The following BNC2 variants were observed in gnomAD, a reference collection of about 807,000 sequenced individuals.
BNC2 encodes the protein zinc finger protein basonuclin-2.
Under a neutral mutation model 76.3 loss-of-function variants are expected in BNC2, and 20 were observed. The ratio of observed to expected loss-of-function variants is 0.26; its 90% CI spans 0.18 to 0.38. BNC2 has a LOEUF of 0.38. Ranked by LOEUF, BNC2 falls within the 10% of genes least tolerant of loss-of-function variation. The pLI, the probability that BNC2 is intolerant of heterozygous loss-of-function variation, is 1.00. For synonymous variants in BNC2, 582 were observed against 514.8 expected (o/e 1.13, Z -1.77); for missense variants, 1,382 against 1,399.8 (o/e 0.99, Z 0.20).
rs1014891444 is a variant in BNC2 at position 16,686,568 on chromosome 9, C to G, written c.330+41229G>C. On this transcript the variant is annotated intron_variant, in intron 3 of 6. Transcript: ENST00000380672. ...CTAAGCATCATCTCACCTTTGTCTT[C>G]TTTCCCTATCAAAGCACTCCTCTGT... Among the ~76,000 whole-genome samples the G allele has an allele frequency of 2.6e-5, 4 of 152,186 alleles. No homozygotes were observed. The East Asian group carries it at 7.7e-4, about 29-fold the overall frequency.
At position 16,410,011 on chromosome 9, in the gene BNC2, C is replaced by G. The variant is rs971420309; in HGVS notation, c.*8978G>C. The G allele has an allele frequency of 7.9e-5, 12 of 152,200 alleles. No individual in the cohort carries two copies. Among genetic ancestry groups the G allele is most frequent in the Non-Finnish European group, 1.5e-4 (10 of 68,042 alleles). The allele number at this position is 152,200 out of a possible 1,614,324, so 9.4% of individuals were successfully genotyped here. Reference sequence around the variant, plus strand: ...TCCTTTTCTTCAAGATATTTCAACTCCCTCTGGCCACTTTTGCTGTCAAAT... The same window carrying G: ...TCCTTTTCTTCAAGATATTTCAACTGCCTCTGGCCACTTTTGCTGTCAAAT... On this transcript the variant is annotated 3_prime_UTR_variant, in exon 7 of 7. Coordinates refer to ENST00000380672, the MANE Select transcript of BNC2 (RefSeq NM_017637.6).
chr9:16,837,760 A>G (rs1386515031), intron 1 of BNC2, among the ~76,000 whole-genome samples: 1 of 152,170 alleles, frequency 6.6e-6, no homozygotes, highest in Non-Finnish European at 1.5e-5. Flanking sequence ...CTAACTTCAG[A>G]GCTATCAAAT....
At chr9:16,681,693 C>G (rs1822826263) in intron 3 of BNC2, among the ~76,000 whole-genome samples, 1 of 152,200 alleles carries the variant, frequency 6.6e-6, no homozygotes. Context: ...ATATACTCTA[C>G]TCCATGGTCA....
chr9:16,565,716 G>T (rs1475416513), intron 4 of BNC2, among the ~76,000 whole-genome samples: 3 of 151,850 alleles, frequency 2.0e-5, no homozygotes, highest in Non-Finnish European at 4.4e-5. Flanking sequence ...GCTGAGATGG[G>T]AGGATCACTT....
intron 3 of BNC2, among the ~76,000 whole-genome samples, chr9:16,682,045 G>C (rs868358720): frequency 3.9e-5 from 6 of 151,972 alleles, no homozygotes; most frequent in South Asian, 2.1e-4. Context: ...AAAAAAGAGA[G>C]AGTGAACTTT....
chr9:16,485,148 C>A (rs1306773525), intron 5 of BNC2, among the ~76,000 whole-genome samples: 2 of 151,528 alleles, frequency 1.3e-5, no homozygotes, highest in Non-Finnish European at 2.9e-5. Flanking sequence ...TATTTTTTTT[C>A]TCTGAACCTG....
At chr9:16,453,048 T>C (rs16934702) in intron 5 of BNC2, among the ~76,000 whole-genome samples, 16,606 of 152,182 alleles carry the variant, frequency 0.11, 1,137 homozygotes, top group African/African-American at 0.2. Context: ...AGTCTGTGCC[T>C]TGGTCTCCTC....
At chr9:16,827,848 T>A (rs1254206952) in intron 1 of BNC2, among the ~76,000 whole-genome samples, 1 of 152,206 alleles carries the variant, frequency 6.6e-6, no homozygotes, top group Non-Finnish European at 1.5e-5. Flanking sequence ...AATCTCAGAC[T>A]CATGATTAAT....
intron 5 of BNC2, among the ~76,000 whole-genome samples, chr9:16,455,754 T>C (rs962455508): frequency 2.7e-5 from 4 of 150,178 alleles, no homozygotes; most frequent in Non-Finnish European, 5.9e-5. Context: ...ATTGCACCAT[T>C]GCACTCCAGC....
chr9:16,865,771 T>C (rs755951190), intron 1 of BNC2, among the ~76,000 whole-genome samples: 1 of 152,180 alleles, frequency 6.6e-6, no homozygotes, highest in Non-Finnish European at 1.5e-5. Context: ...ATGATATATC[T>C]GTAATATCAT....
intron 1 of BNC2, among the ~76,000 whole-genome samples, chr9:16,839,119 G>A (rs919578911): frequency 2.6e-5 from 4 of 152,174 alleles, no homozygotes; most frequent in African/African-American, 4.8e-5. Context: ...GGATTAAACT[G>A]TTAACAATTC....
chr9:16,663,677 C>T (rs1302771293), intron 3 of BNC2, among the ~76,000 whole-genome samples: 1 of 152,098 alleles, frequency 6.6e-6, no homozygotes, highest in Non-Finnish European at 1.5e-5. Flanking sequence ...TCAAAAATCT[C>T]AGAAAGAGTA....
At chr9:16,468,587 G>C (rs1465766748) in intron 5 of BNC2, among the ~76,000 whole-genome samples, 1 of 151,856 alleles carries the variant, frequency 6.6e-6, no homozygotes, top group Non-Finnish European at 1.5e-5. Context: ...GTAGAGACGA[G>C]GTTTCACCAC....
At chr9:16,598,496 TAA>T (rs1372131837) in intron 3 of BNC2, among the ~76,000 whole-genome samples, 1 of 152,136 alleles carries the variant, frequency 6.6e-6, no homozygotes, top group Non-Finnish European at 1.5e-5. Flanking sequence ...CAACTTCACA[TAA>T]GAGAGACAAA....
chr9:16,691,504 CTTTTTTT>C (rs71327842), intron 3 of BNC2, among the ~76,000 whole-genome samples: 28 of 113,196 alleles, frequency 2.5e-4, no homozygotes, highest in Non-Finnish European at 3.0e-4. Flanking sequence ...GGTATGGGTT[CTTTTTTT>C]TTTTTTTTTT....
chr9:16,653,588 G>A (rs781627279), intron 3 of BNC2, among the ~76,000 whole-genome samples: 2 of 152,046 alleles, frequency 1.3e-5, no homozygotes, highest in Non-Finnish European at 2.9e-5. Context: ...AAGTGTTTGG[G>A]AAACAGAAGG....
rs1209054422 is a variant in BNC2, at chr9:16,416,925, G to A, written c.*2064C>T. The A allele has an allele frequency of 1.3e-5, 2 of 152,526 alleles. No homozygotes were observed. The highest frequency in any genetic ancestry group is 3.9e-4 in the East Asian group (2 of 5,194). 9.4% of individuals were successfully genotyped at this position (152,526 alleles called of 1,614,324 possible). ...GTTTCCTTTGGCAAATTTAACGGAA[G>A]TGAATGCTGATGTGAACATAGAAAA... On this transcript the variant is annotated 3_prime_UTR_variant, in exon 7 of 7. Transcript: ENST00000380672.
chr9:16,452,335 T>C (rs114473875), intron 5 of BNC2, among the ~76,000 whole-genome samples: 226 of 152,292 alleles, frequency 1.5e-3, no homozygotes, highest in African/African-American at 5.4e-3. Context: ...TCTCATATAG[T>C]TGGCAGTTCT....
At chr9:16,420,712 T>TAC (rs1241866237) in intron 6 of BNC2, among the ~76,000 whole-genome samples, 1 of 151,638 alleles carries the variant, frequency 6.6e-6, no homozygotes, top group African/African-American at 2.4e-5. Context: ...TTTACATATA[T>TAC]ATATATAAAG....
Sources: allele counts gnomAD v4.1 joint callset (sites outside exome capture counted in the v4.1 genomes callset), GRCh38; gene constraint gnomAD v4.1.1; transcripts MANE v1.5; gene names NCBI Gene and HGNC (gene_info 2026-07-23, HGNC 2026-07-21).